The following LPAR5 variants were observed in gnomAD, a reference collection of about 807,000 sequenced individuals.
LPAR5 encodes the protein lysophosphatidic acid receptor 5, also known as G protein-coupled receptor 92.
For missense variants in LPAR5, 544 were observed against 521.8 expected (o/e 1.04, Z -0.41); for synonymous variants, 271 against 261.6 (o/e 1.04, Z -0.35).
intron 1 of LPAR5, among the ~76,000 whole-genome samples, chr12:6,629,173 C>T (rs1225901126): frequency 1.4e-5 from 2 of 141,458 alleles, no homozygotes; most frequent in East Asian, 2.2e-4. Context: ...GTCAGGAGTT[C>T]GAGACCAGCC....
At chr12:6,625,230 C>T (rs1323587827) in intron 1 of LPAR5, among the ~76,000 whole-genome samples, 2 of 151,196 alleles carry the variant, frequency 1.3e-5, no homozygotes, top group Non-Finnish European at 2.9e-5. Flanking sequence ...TTGAGACCAT[C>T]CTGGCTAACA....
chr12:6,619,873 C>A lies in LPAR5; in HGVS notation c.*257G>T. 1.5e-6 allele frequency: 1 copy of A among 673,928 alleles called. No homozygotes were observed. The highest frequency in any genetic ancestry group is 2.7e-6 in the Non-Finnish European group (1 of 367,954). 41.7% of individuals were successfully genotyped at this position (673,928 alleles called of 1,614,324 possible). On this transcript the variant is annotated 3_prime_UTR_variant, in exon 2 of 2. Coordinates refer to ENST00000329858, the MANE Select transcript of LPAR5 (RefSeq NM_020400.6). ...ATTTCGTCCTCTTCTGCCCTCTGCA[C>A]GGGTGGGCTCTCTGCATCACTTCCC...
chr12:6,628,621 C>T (rs1225206828), intron 1 of LPAR5, among the ~76,000 whole-genome samples: 1 of 150,714 alleles, frequency 6.6e-6, no homozygotes, highest in Non-Finnish European at 1.5e-5. Flanking sequence ...CCACCACGCC[C>T]AGCTAATTTC....
At chr12:6,628,709 C>T (rs143790267) in intron 1 of LPAR5, among the ~76,000 whole-genome samples, 124 of 150,858 alleles carry the variant, frequency 8.2e-4, no homozygotes, top group Non-Finnish European at 1.2e-3. Flanking sequence ...CTCCGCTCAC[C>T]GCAACCTCTG....
chr12:6,618,845 AGTG>A lies in LPAR5; in HGVS notation c.*1282_*1284del, dbSNP rs895339784. 6.6e-6 allele frequency: 1 copy of A among 152,218 alleles called. No homozygotes were observed. The highest frequency in any genetic ancestry group is 2.4e-5 in the African/African-American group (1 of 41,440). 9.4% of individuals were successfully genotyped at this position (152,218 alleles called of 1,614,324 possible). A position where few individuals can be genotyped will look rare whatever the true frequency, so the allele number is the denominator to read the frequency against. On this transcript the variant is annotated 3_prime_UTR_variant, in exon 2 of 2. Transcript: ENST00000329858. ...ACCCTGAGCCATGAAGACTATCAGTAGTGATTAATTTATTTAGCACTGCCCTCT... is the reference window on the plus strand; with the variant it reads ...ACCCTGAGCCATGAAGACTATCAGTAATTAATTTATTTAGCACTGCCCTCT...
chr12:6,631,812 A>G (rs1483682449), intron 1 of LPAR5: 1 of 152,320 alleles, frequency 6.6e-6, no homozygotes, highest in Non-Finnish European at 1.5e-5. Flanking sequence ...AGGGGAGCTG[A>G]AGAGAAAGGA....
At position 6,621,049 on chromosome 12, in the gene LPAR5, C is replaced by T; in HGVS notation, c.200G>A (p.Ser67Asn). The change falls in exon 2 of 2, where the codon AGC becomes AAC. Residue 67 changes from serine (S) to asparagine (N), a missense_variant. Transcript: ENST00000329858. ...CAGCGAGAGGGTGAAGAGCAGGTCG[C>T]TGGCCGCCAGGTTACACATGTACAC... ...VSVYMCNLAA[S>N]DLLFTLSLPV... The T allele has an allele frequency of 1.2e-6, 2 of 1,606,106 alleles. No individual in the cohort carries two copies. The highest frequency in any genetic ancestry group is 4.5e-5 in the East Asian group (2 of 44,552).
chr12:6,621,430 G>C lies in LPAR5; in HGVS notation c.-182C>G, dbSNP rs528462096. 8 of 523,020 alleles carry C rather than the reference G, an allele frequency of 1.5e-5. No homozygotes were observed. Among genetic ancestry groups the C allele is most frequent in the Admixed American group, 1.3e-4 (3 of 23,446 alleles). The allele number at this position is 523,020 out of a possible 1,614,324, so 32.4% of individuals were successfully genotyped here. On this transcript the variant is annotated 5_prime_UTR_variant, in exon 2 of 2. Coordinates refer to ENST00000329858, the MANE Select transcript of LPAR5 (RefSeq NM_020400.6). The stretch of plus-strand genomic sequence containing the variant: ...GGGACAGATGGCTGCCAAGGGTTGG[G>C]TGCGTTTGGTCACAGCTTCATCAGC...
chr12:6,632,933 C>G (rs1489118990), intron 1 of LPAR5, among the ~76,000 whole-genome samples: 1 of 152,188 alleles, frequency 6.6e-6, no homozygotes, highest in Non-Finnish European at 1.5e-5. Context: ...CCAGGCCTGC[C>G]TGCTTCTCCA....
Position 6,621,062 on chromosome 12 carries a change from T to G in LPAR5, c.187A>C (p.Asn63His). 6.2e-7 allele frequency: 1 copy of G among 1,604,120 alleles called. No individual in the cohort carries two copies. ...AAGAGCAGGTCGCTGGCCGCCAGGTTACACATGTACACGCTCACCACCGAG... is the reference window on the plus strand; with the variant it reads ...AAGAGCAGGTCGCTGGCCGCCAGGTGACACATGTACACGCTCACCACCGAG... Reference protein sequence around the residue: ...VHSVVSVYMCNLAASDLLFTL... With the variant: ...VHSVVSVYMCHLAASDLLFTL... Residue 63 changes from asparagine (N) to histidine (H), a missense_variant, in exon 2 of 2, where the codon AAC becomes CAC. Transcript: ENST00000329858.
At chr12:6,630,433 C>CT (rs34529805) in intron 1 of LPAR5, among the ~76,000 whole-genome samples, 5 of 41,826 alleles carry the variant, frequency 1.2e-4, no homozygotes, top group Admixed American at 3.9e-4. Context: ...CCCAGCCCAT[C>CT]TTTTTTTTTT....
Position 6,621,480 on chromosome 12 carries a change from A to C in LPAR5, c.-216-16T>G. On this transcript the variant is annotated splice_polypyrimidine_tract_variant and intron_variant, in intron 1 of 1. Transcript: ENST00000329858. ...CAGCAGAGACCTGGAATAGGAAGGC[A>C]AGCCGGAAGTTATACAGAGACAGGG... is the stretch of plus-strand genomic sequence containing the variant. 1 of 426,478 alleles carries C rather than the reference A, an allele frequency of 2.3e-6. No homozygotes were observed. Among genetic ancestry groups the C allele is most frequent in the Non-Finnish European group, 4.3e-6 (1 of 234,134 alleles). 26.4% of individuals were successfully genotyped at this position (426,478 alleles called of 1,614,324 possible).
intron 1 of LPAR5, among the ~76,000 whole-genome samples, chr12:6,630,709 C>T (rs1592302172): frequency 6.6e-6 from 1 of 152,208 alleles, no homozygotes; most frequent in East Asian, 1.9e-4. Flanking sequence ...GGCTCGGCCT[C>T]CCAAAGTGCT....
intron 1 of LPAR5, among the ~76,000 whole-genome samples, chr12:6,622,460 A>T (rs1948903809): frequency 6.6e-6 from 1 of 150,384 alleles, no homozygotes; most frequent in Non-Finnish European, 1.5e-5. Flanking sequence ...ATAAAAAATA[A>T]AAATAAGGCT....
chr12:6,635,309 G>A (rs1949003206), intron 1 of LPAR5, among the ~76,000 whole-genome samples: 1 of 152,130 alleles, frequency 6.6e-6, no homozygotes, highest in Non-Finnish European at 1.5e-5. Flanking sequence ...CCATCTATCA[G>A]AGCCATAGGG....
chr12:6,635,101 G>A (rs1408915875), intron 1 of LPAR5, among the ~76,000 whole-genome samples: 6 of 145,412 alleles, frequency 4.1e-5, no homozygotes, highest in East Asian at 2.1e-4. Context: ...AAAAAAAAAA[G>A]AAAGGAAGGA....
intron 1 of LPAR5, among the ~76,000 whole-genome samples, chr12:6,626,578 C>G (rs1948941643): frequency 6.6e-6 from 1 of 152,196 alleles, no homozygotes; most frequent in African/African-American, 2.4e-5. Flanking sequence ...CTTAAACATG[C>G]TGAAAAGCAA....
In LPAR5 at chr12:6,620,679, G is replaced by A. The variant is rs371226929; in HGVS notation, c.570C>T (p.Pro190=). Residue 190 remains proline, a synonymous_variant, in exon 2 of 2, where the codon CCC becomes CCT. Coordinates refer to ENST00000329858, the MANE Select transcript of LPAR5 (RefSeq NM_020400.6). The surrounding 1 kb of genome is among the most constrained non-coding windows in gnomAD (Gnocchi z 6.8). The part of the protein sequence containing the change: ...SDELWKGRLL[P]LVLLAEALGF... ...CCAGCGCCTCGGCCAGCAGCACGAG[G>A]GGCAGCAGCCTGCCTTTCCACAGCT... The A allele has an allele frequency of 1.6e-3, 2,574 of 1,566,070 alleles. 41 individuals carry two copies. The South Asian group carries it at 0.028, about 17-fold the overall frequency.
In LPAR5 at chr12:6,620,897, C is replaced by T; in HGVS notation, c.352G>A (p.Asp118Asn). Residue 118 changes from aspartate (D) to asparagine (N), a missense_variant, in exon 2 of 2, where the codon GAC (aspartate) becomes AAC (asparagine). Coordinates refer to ENST00000329858, the MANE Select transcript of LPAR5 (RefSeq NM_020400.6). This position sits in a 1 kb window ranked among gnomAD's most constrained non-coding sequence, Gnocchi z 6.8. Reference sequence around the variant, plus strand: ...GGGTGCACGATGGCGGCGTAGCGGTCCACGTTGATGAGCATCAGGAAGATG... The same window carrying T: ...GGGTGCACGATGGCGGCGTAGCGGTTCACGTTGATGAGCATCAGGAAGATG... ...SCIFLMLINVDRYAAIVHPLR... is the reference protein window; with the variant it reads ...SCIFLMLINVNRYAAIVHPLR... The T allele has an allele frequency of 6.3e-7, 1 of 1,587,628 alleles. No homozygotes were observed. The highest frequency in any genetic ancestry group is 2.3e-5 in the East Asian group (1 of 43,534).
Sources: allele counts gnomAD v4.1 joint callset (sites outside exome capture counted in the v4.1 genomes callset), GRCh38; gene constraint gnomAD v4.1.1; non-coding constraint Gnocchi (gnomAD v3.1); transcripts MANE v1.5; gene names NCBI Gene and HGNC (gene_info 2026-07-23, HGNC 2026-07-21).